Variants in ZNF273 observed in about 807,000 individuals in gnomAD.
ZNF273 encodes the protein zinc finger protein 9.
Under a neutral mutation model 14.9 loss-of-function variants are expected in ZNF273, and 11 were observed. That is an observed-to-expected ratio of 0.74 (90% confidence interval 0.46 to 1.22). ZNF273 has a LOEUF of 1.22. Ranked by LOEUF, ZNF273 falls within the 50% of genes most tolerant of loss-of-function variation. The probability of loss-of-function intolerance (pLI) is 0.00; values close to 1 mark genes in which losing one functional copy is unlikely to be tolerated. For missense variants in ZNF273, 577 were observed against 660.6 expected, an observed-to-expected ratio of 0.87 and a Z score of 1.39; for synonymous variants, 199 against 223.9, an observed-to-expected ratio of 0.89 and a Z score of 0.99.
chr7:64,889,368 C>T (rs1562949495), downstream of ZNF273: 18 of 969,986 alleles, frequency 1.9e-5, no homozygotes, highest in Middle Eastern at 5.2e-4. The surrounding 1 kb of genome is among the most constrained non-coding windows in gnomAD (Gnocchi z 4.2). Flanking sequence ...GGGTCCGGCC[C>T]GGGGTCATCT....
In ZNF273 at chr7:64,928,329, C is replaced by A. The variant is rs1562966707; in HGVS notation, c.1001C>A (p.Thr334Asn). The A allele has an allele frequency of 6.2e-7, 1 of 1,613,678 alleles. No homozygotes were observed. The highest frequency in any genetic ancestry group is 1.1e-5 in the South Asian group (1 of 91,066). The stretch of plus-strand genomic sequence containing the variant: ...GGCTTTAGTATATTCTCAACCCTTA[C>A]TAAACATAAGATAATTCATACTGGA... Reference protein sequence around the residue: ...GKGFSIFSTLTKHKIIHTGEK... With the variant: ...GKGFSIFSTLNKHKIIHTGEK... Residue 334 changes from threonine (T) to asparagine (N), a missense_variant, in exon 4 of 4, where the codon ACT (threonine) becomes AAT (asparagine). Around this residue, in one of 3 missense-constraint regions of ZNF273, gnomAD observed 411 missense variants for 440.4 expected, o/e 0.93. Coordinates refer to ENST00000476120, the MANE Select transcript of ZNF273 (RefSeq NM_021148.3).
Position 64,918,197 on chromosome 7 carries a change from G to T in ZNF273, c.230G>T (p.Gly77Val). 3 of 1,558,998 alleles carry T rather than the reference G, an allele frequency of 1.9e-6. No homozygotes were observed. The highest frequency in any genetic ancestry group is 2.6e-6 in the Non-Finnish European group (3 of 1,147,596). The change falls in exon 3 of 4, where the codon GGT (glycine) becomes GTT (valine). Residue 77 changes from glycine (G) to valine (V), a missense_variant and splice_region_variant. Around this residue, in one of 3 missense-constraint regions of ZNF273, gnomAD observed 162 missense variants for 203.5 expected, o/e 0.80. Coordinates refer to ENST00000476120, the MANE Select transcript of ZNF273 (RefSeq NM_021148.3). The stretch of plus-strand genomic sequence containing the variant: ...ATGTTACTCATTTTTAATAAAACAG[G>T]TATTGCTGTCTCTAAGCCAGACCTG... The part of the protein sequence containing the change: ...LDNYRNLVFL[G>V]IAVSKPDLIT...
chr7:64,902,600 G>A (rs1271639733), upstream of ZNF273, among the ~76,000 whole-genome samples: 1 of 152,230 alleles, frequency 6.6e-6, no homozygotes, highest in Non-Finnish European at 1.5e-5. Flanking sequence ...TACTCTGGAG[G>A]CTGAGGCAGG....
At chr7:64,913,321 A>G (rs1180659981) in intron 1 of ZNF273, among the ~76,000 whole-genome samples, 2 of 152,246 alleles carry the variant, frequency 1.3e-5, no homozygotes, top group East Asian at 1.9e-4. Flanking sequence ...ACAGAAGAAG[A>G]AGTAAAAATG....
At chr7:64,905,137 A>G (rs1793006400) in intron 1 of ZNF273, among the ~76,000 whole-genome samples, 1 of 75,188 alleles carries the variant, frequency 1.3e-5, no homozygotes, top group Non-Finnish European at 2.4e-5. Flanking sequence ...TTTTTTTTTG[A>G]GACAGTCTCA....
intron 1 of ZNF273, chr7:64,888,507 T>C: frequency 1.0e-6 from 1 of 985,806 alleles, no homozygotes; most frequent in Non-Finnish European, 1.2e-6. Context: ...AATACCCTAT[T>C]GATGGTGAGA....
intron 3 of ZNF273, among the ~76,000 whole-genome samples, chr7:64,922,844 T>G (rs112591628): frequency 0.028 from 4,199 of 152,092 alleles, 90 homozygotes; most frequent in Non-Finnish European, 0.037. Flanking sequence ...TGCATGCCTG[T>G]AATCCCAGCT....
At chr7:64,888,923 G>A (rs1464446130), downstream of ZNF273, 16 of 983,084 alleles carry the variant, frequency 1.6e-5, no homozygotes, top group South Asian at 2.4e-4. Flanking sequence ...CCCTGCAAGA[G>A]AAAACTCTGG....
intron 3 of ZNF273, among the ~76,000 whole-genome samples, chr7:64,919,566 G>A (rs1794280252): frequency 6.6e-6 from 1 of 152,174 alleles, no homozygotes; most frequent in Admixed American, 6.5e-5. Context: ...CTGGGAGGCG[G>A]AGGTTGCAGT....
downstream of ZNF273, chr7:64,893,424 A>G (rs1792155957): frequency 6.6e-6 from 1 of 152,182 alleles, no homozygotes; most frequent in Non-Finnish European, 1.5e-5. Context: ...ATCTTTAGAG[A>G]TGGATCATTT....
At chr7:64,906,380 A>G (rs1362263474) in intron 1 of ZNF273, among the ~76,000 whole-genome samples, 2 of 152,240 alleles carry the variant, frequency 1.3e-5, no homozygotes, top group Non-Finnish European at 2.9e-5. Flanking sequence ...TACGTTTATC[A>G]TCTAAAAGGA....
At chr7:64,921,031 A>G (rs1335551936) in intron 3 of ZNF273, among the ~76,000 whole-genome samples, 3 of 149,712 alleles carry the variant, frequency 2.0e-5, no homozygotes, top group Non-Finnish European at 4.5e-5. Flanking sequence ...TGCTAGTTCA[A>G]ATTTTTCTGT....
chr7:64,901,076 C>T (rs1792685533), upstream of ZNF273, among the ~76,000 whole-genome samples: 1 of 151,792 alleles, frequency 6.6e-6, no homozygotes, highest in Non-Finnish European at 1.5e-5. Flanking sequence ...CATCTCGGCT[C>T]ATTGCAGCCT....
downstream of ZNF273, chr7:64,882,563 T>C (rs1293611175): frequency 6.6e-6 from 1 of 152,236 alleles, no homozygotes; most frequent in East Asian, 1.9e-4. Flanking sequence ...ACGCCTTCGT[T>C]GCCTGGCGAC....
In ZNF273 at chr7:64,928,939, T is replaced by C. The variant is rs1475389029; in HGVS notation, c.1611T>C (p.Thr537=). Residue 537 remains threonine (T), a synonymous_variant, in exon 4 of 4, where the codon ACT becomes ACC. Coordinates refer to ENST00000476120, the MANE Select transcript of ZNF273 (RefSeq NM_021148.3). The part of the protein sequence containing the change: ...SNLTRHKKIH[T]GEKPYKPKRC... ...TTACTCGACATAAGAAAATTCATAC[T>C]GGAGAGAAACCATACAAACCTAAAA... 2 of 1,613,424 alleles carry C rather than the reference T, an allele frequency of 1.2e-6. No individual in the cohort carries two copies. Among genetic ancestry groups the C allele is most frequent in the Admixed American group, 1.7e-5 (1 of 59,928 alleles).
intron 3 of ZNF273, among the ~76,000 whole-genome samples, chr7:64,920,082 G>C (rs142204739): frequency 3.9e-5 from 6 of 152,152 alleles, no homozygotes; most frequent in Admixed American, 2.0e-4. Context: ...TTTTATGTTG[G>C]GCCCCCAGAG....
rs745750230 is a variant in ZNF273, at chr7:64,903,298, G to T, written c.-20G>T. The stretch of plus-strand genomic sequence containing the variant: ...GTCTCTCGCTGCAGTCGCAGCTCCA[G>T]GTCTCGTCTTCACTGCTCTATGTCC... On this transcript the variant is annotated 5_prime_UTR_variant, in exon 1 of 4. In the 5' UTR this introduces an upstream ATG that the reference lacks. Coordinates refer to ENST00000476120, the MANE Select transcript of ZNF273 (RefSeq NM_021148.3). The T allele has an allele frequency of 6.3e-7, 1 of 1,591,786 alleles. No individual in the cohort carries two copies. The highest frequency in any genetic ancestry group is 1.7e-5 in the Admixed American group (1 of 59,418).
intron 3 of ZNF273, among the ~76,000 whole-genome samples, chr7:64,925,839 A>G (rs1584011330): frequency 6.6e-6 from 1 of 151,648 alleles, no homozygotes; most frequent in South Asian, 2.1e-4. Context: ...GTTTATAACA[A>G]TTTCTATGCT....
chr7:64,930,750 A>G lies in ZNF273; in HGVS notation c.*1712A>G, dbSNP rs1679606599. On this transcript the variant is annotated 3_prime_UTR_variant, in exon 4 of 4. Coordinates refer to ENST00000476120, the MANE Select transcript of ZNF273 (RefSeq NM_021148.3). ...TTTCTTATTTAAATTTATTGTTCTT[A>G]TTTTTCATGGGTACATAGTATGTTT... 1.3e-5 allele frequency: 2 copies of G among 151,846 alleles called. No individual in the cohort carries two copies. Among genetic ancestry groups the G allele is most frequent in the South Asian group, 4.2e-4 (2 of 4,812 alleles). 9.4% of individuals were successfully genotyped at this position (151,846 alleles called of 1,614,324 possible). A position where few individuals can be genotyped will look rare whatever the true frequency, so the allele number is the denominator to read the frequency against.
Sources: allele counts gnomAD v4.1 joint callset (sites outside exome capture counted in the v4.1 genomes callset), GRCh38; gene constraint gnomAD v4.1.1; regional missense constraint gnomAD v4.1.1; non-coding constraint Gnocchi (gnomAD v3.1); transcripts MANE v1.5; gene names NCBI Gene and HGNC (gene_info 2026-07-23, HGNC 2026-07-21).